The following ASB11 variants were observed in gnomAD, a reference collection of about 807,000 sequenced individuals.
ASB11 encodes the protein ankyrin repeat and SOCS box containing 11, also known as ankyrin repeat and SOCS box protein 11.
In ASB11, 17 loss-of-function variants were observed where a neutral mutation model predicts 20.1. That is an observed-to-expected ratio of 0.85 (90% CI 0.58 to 1.27). ASB11 has a LOEUF of 1.27. Ranked by LOEUF, ASB11 falls within the 50% of genes most tolerant of loss-of-function variation. ASB11 has a pLI of 0.00. For synonymous variants in ASB11, 107 were observed against 105.6 expected, an observed-to-expected ratio of 1.01 and a Z score of -0.08; for missense variants, 259 against 256.9, an observed-to-expected ratio of 1.01 and a Z score of -0.06.
chrX:15,311,529 C>T (rs1362176509), intron 1 of ASB11, among the ~76,000 whole-genome samples: 1 of 112,479 alleles, frequency 8.9e-6, no homozygotes, highest in African/African-American at 3.2e-5. Flanking sequence ...ATGGAAAAGA[C>T]AGGAAAAAGG....
rs141302282 is a variant in ASB11, at chrX:15,283,311, C to T, written c.*194G>A. On this transcript the variant is annotated 3_prime_UTR_variant, in exon 7 of 7. Transcript: ENST00000480796. ...AAAAGCTAAATGGTTTCTACTTGCCCCTTGGTTAATGAGAACATTAAACTA... is the reference window on the plus strand; with the variant it reads ...AAAAGCTAAATGGTTTCTACTTGCCTCTTGGTTAATGAGAACATTAAACTA... 8.7e-4 allele frequency: 394 copies of T among 452,392 alleles called. No homozygotes were observed. Among genetic ancestry groups the T allele is most frequent in the African/African-American group, 8.7e-3 (360 of 41,359 alleles). The allele number at this position is 452,392 out of a possible 1,213,427, so 37.3% of individuals were successfully genotyped here.
At chrX:15,301,537 AGAG>A (rs1194929259) in intron 2 of ASB11, among the ~76,000 whole-genome samples, 2 of 110,495 alleles carry the variant, frequency 1.8e-5, no homozygotes, top group African/African-American at 6.7e-5. Context: ...ACAGAGAGAG[AGAG>A]AGAAAGAAAA....
rs571518526 is a variant in ASB11, at chrX:15,298,570, C to T, written c.262-889G>A. On this transcript the variant is annotated intron_variant, in intron 2 of 6. Coordinates refer to ENST00000480796, the MANE Select transcript of ASB11 (RefSeq NM_080873.3). ...GAGGGTCTGGAGCTAATAGATTAGC[C>T]TTTTTAGAAGCTTACTGGTAGCAGC... is the stretch of plus-strand genomic sequence containing the variant. 3.2e-4 allele frequency among the ~76,000 whole-genome samples: 35 copies of T among 111,070 alleles called. 1 individual carries two copies. The South Asian group carries it at 0.012, about 39-fold the overall frequency.
chrX:15,309,967 C>CAAAAAAAAAAAAAAAAA lies in ASB11; in HGVS notation c.181+5441_181+5457dup, dbSNP rs60765469. Among the ~76,000 whole-genome samples the CAAAAAAAAAAAAAAAAA allele has an allele frequency of 7.4e-3, 114 of 15,498 alleles. 9 individuals carry two copies. Among genetic ancestry groups the CAAAAAAAAAAAAAAAAA allele is most frequent in the Non-Finnish European group, 0.012 (92 of 7,868 alleles). 13.5% of individuals were successfully genotyped at this position (15,498 alleles called of 115,157 possible). ...TGGGCGACAGAGCAAGACTCCGTCTCAAAAAAAAAAAAAAAAAAAAAAAAG... is the reference window on the plus strand; with the variant it reads ...TGGGCGACAGAGCAAGACTCCGTCTCAAAAAAAAAAAAAAAAAAAAAAAAAAAAAAAAAAAAAAAAAG... On this transcript the variant is annotated intron_variant, in intron 1 of 6. Transcript: ENST00000480796.
intron 4 of ASB11, among the ~76,000 whole-genome samples, chrX:15,291,726 TA>T (rs68119315): frequency 0.31 from 32,354 of 102,748 alleles, 4,580 homozygotes; most frequent in South Asian, 0.54. Flanking sequence ...AAAAAAAATT[TA>T]AAAAAATTAA....
chrX:15,289,727 G>T, intron 4 of ASB11, 89 bp from the exon 5 acceptor site: 1 of 1,069,985 alleles, frequency 9.3e-7, no homozygotes, highest in Non-Finnish European at 1.3e-6. Context: ...ATGGGCTTTA[G>T]AAATAACCTA....
intron 1 of ASB11, among the ~76,000 whole-genome samples, chrX:15,314,057 CAAA>C (rs760402919): frequency 2.9e-5 from 1 of 34,177 alleles, no homozygotes; most frequent in Non-Finnish European, 5.5e-5. Context: ...GACTCCATCT[CAAA>C]AAAAAAAAAA....
intron 2 of ASB11, 113 bp from the exon 3 acceptor site, chrX:15,297,794 C>T (rs1920982281): frequency 3.0e-6 from 2 of 672,744 alleles, no homozygotes; most frequent in Non-Finnish European, 4.6e-6. Flanking sequence ...CCTCAGCATC[C>T]TGAGTAGCTG....
At chrX:15,284,263 AAAAAAAAG>A (rs1309272490) in intron 6 of ASB11, among the ~76,000 whole-genome samples, 5 of 107,567 alleles carry the variant, frequency 4.6e-5, no homozygotes, top group African/African-American at 6.8e-5. Flanking sequence ...AAAAAAAAAA[AAAAAAAAG>A]AAAGAAAGAA....
chrX:15,310,136 G>C (rs928964033), intron 1 of ASB11, among the ~76,000 whole-genome samples: 3 of 109,852 alleles, frequency 2.7e-5, no homozygotes, highest in Non-Finnish European at 5.7e-5. Context: ...GCCACAGTGG[G>C]GTCTCCTGCT....
chrX:15,287,817 G>T, intron 6 of ASB11, 64 bp downstream of exon 6: 1 of 1,106,762 alleles, frequency 9.0e-7, no homozygotes, highest in South Asian at 2.2e-5. Context: ...AAATGCTACA[G>T]ATGAGACAGG....
At chrX:15,314,057 CA>C (rs760402919) in intron 1 of ASB11, among the ~76,000 whole-genome samples, 686 of 34,160 alleles carry the variant, frequency 0.02, 1 homozygote, top group African/African-American at 0.066. Context: ...GACTCCATCT[CA>C]AAAAAAAAAA....
intron 6 of ASB11, among the ~76,000 whole-genome samples, chrX:15,284,251 C>CAAAAAA (rs60542067): frequency 5.5e-5 from 4 of 72,301 alleles, no homozygotes; most frequent in East Asian, 4.2e-4. Flanking sequence ...GACTCCGCCT[C>CAAAAAA]AAAAAAAAAA....
chrX:15,293,254 A>ATG lies in ASB11; in HGVS notation c.434_435dup (p.Cys146HisfsTer27), dbSNP rs1445451740. The stretch of plus-strand genomic sequence containing the variant: ...CCGAACTCCAGCAGCACATTGACAC[A>ATG]TGCAGCACTGCCGCTGCAGCAAGCA... On this transcript the variant is annotated frameshift_variant, in exon 4 of 7. Coordinates refer to ENST00000480796, the MANE Select transcript of ASB11 (RefSeq NM_080873.3). LOFTEE classifies it high-confidence loss of function. The ATG allele has an allele frequency of 8.3e-7, 1 of 1,209,859 alleles. No individual in the cohort carries two copies. Among genetic ancestry groups the ATG allele is most frequent in the Non-Finnish European group, 1.1e-6 (1 of 895,027 alleles).
chrX:15,293,471 G>A, intron 3 of ASB11, 151 bp from the exon 4 acceptor site: 3 of 653,448 alleles, frequency 4.6e-6, no homozygotes, highest in Non-Finnish European at 6.8e-6. Context: ...GAAACCTCAT[G>A]AAGTTATTGG....
chrX:15,288,096 T>G (rs762657163), intron 5 of ASB11, 24 bp from the exon 6 acceptor site: 39 of 1,182,976 alleles, frequency 3.3e-5, no homozygotes, highest in Non-Finnish European at 3.9e-5. Flanking sequence ...ATGGCCACAA[T>G]TCAACACTAA....
intron 3 of ASB11, among the ~76,000 whole-genome samples, chrX:15,296,656 C>T (rs5935936): frequency 0.36 from 40,396 of 110,825 alleles, 5,337 homozygotes; most frequent in South Asian, 0.56. Context: ...TAAAAGCTCG[C>T]TCATTTTGAT....
intron 4 of ASB11, among the ~76,000 whole-genome samples, chrX:15,291,712 A>AT (rs1443250650): frequency 1.1e-5 from 1 of 92,877 alleles, no homozygotes; most frequent in Non-Finnish European, 2.3e-5. Flanking sequence ...GTCTCAAAAA[A>AT]TAAAAAAAAA....
At chrX:15,306,533 T>A (rs1479166551) in intron 1 of ASB11, among the ~76,000 whole-genome samples, 2 of 109,998 alleles carry the variant, frequency 1.8e-5, no homozygotes, top group African/African-American at 6.6e-5. Flanking sequence ...TGAAACCCCA[T>A]CTCTACTAAA....
Sources: gnomAD v4.1 joint callset for allele counts (sites outside exome capture counted in the v4.1 genomes callset) on GRCh38, gnomAD v4.1.1 for gene constraint, MANE v1.5 for transcripts, NCBI Gene and HGNC (gene_info 2026-07-23, HGNC 2026-07-21) for gene names.